The following MED16 variants were observed in gnomAD, a reference collection of about 807,000 sequenced individuals.
MED16 encodes the protein mediator complex subunit 16.
MED16 carries 81 observed loss-of-function variants against 84.4 expected under a neutral mutation model. That is an observed-to-expected ratio of 0.96 (90% CI 0.80 to 1.15). The LOEUF (loss-of-function observed/expected upper bound fraction) is 1.15, where lower values mean the gene tolerates loss of function less well. MED16 is among the 50% of genes most tolerant of loss of function. The pLI is 0.00. For missense variants in MED16, 1,585 were observed against 1,245.9 expected, an observed-to-expected ratio of 1.27 and a Z score of -4.10; for synonymous variants, 897 against 552.2, an observed-to-expected ratio of 1.62 and a Z score of -8.76.
chr19:872,435 C>T (rs1039817092), intron 11 of MED16, among the ~76,000 whole-genome samples: 1 of 152,128 alleles, frequency 6.6e-6, no homozygotes, highest in African/African-American at 2.4e-5. Flanking sequence ...CCTACAGCTG[C>T]GGGCCCGGGC....
intron 8 of MED16, among the ~76,000 whole-genome samples, chr19:878,302 AGCCCCAGCCCCACGT>A (rs2036314147): frequency 1.1e-5 from 1 of 93,036 alleles, no homozygotes; most frequent in Non-Finnish European, 2.0e-5. Context: ...AATGCCCACC[AGCCCCAGCCCCACGT>A]GCCCCAGCAG....
At chr19:886,744 G>A (rs1049603820) in intron 4 of MED16, among the ~76,000 whole-genome samples, 7 of 152,222 alleles carry the variant, frequency 4.6e-5, no homozygotes, top group Admixed American at 3.3e-4. Flanking sequence ...ATTGACATAC[G>A]GAAACATCCA....
chr19:881,074 G>T (rs1599334862), intron 7 of MED16, among the ~76,000 whole-genome samples: 1 of 152,130 alleles, frequency 6.6e-6, no homozygotes, highest in East Asian at 1.9e-4. Flanking sequence ...CTCTTTCCAG[G>T]GAACCAGGGA....
rs539826611 is a variant in MED16, at chr19:868,647, C to T, written c.2400-148G>A. ...CCCCACCTGCCACAGGGCCTCTGCC[C>T]ATGCTTCTCCTCCCCCCAGCAATGC... On this transcript the variant is annotated intron_variant, in intron 14 of 15. Coordinates refer to ENST00000325464, the MANE Select transcript of MED16 (RefSeq NM_005481.3). The T allele has an allele frequency of 2.4e-5, 29 of 1,194,764 alleles. No homozygotes were observed. In the East Asian group the frequency reaches 3.1e-4, roughly 13 times the overall value. 74.0% of individuals were successfully genotyped at this position (1,194,764 alleles called of 1,614,324 possible). A position where few individuals can be genotyped will look rare whatever the true frequency, so the allele number is the denominator to read the frequency against.
intron 1 of MED16, 175 bp downstream of exon 1, chr19:892,894 GCGCCCCGCGCCCCGCGC>G (rs2036669339): frequency 5.4e-5 from 1 of 18,572 alleles, no homozygotes; most frequent in African/African-American, 2.0e-4. Context: ...CCCGCGCCCC[GCGCCCCGCGCCCCGCGC>G]CCCGCGCCCC....
chr19:871,000 G>A (rs1289918044), intron 13 of MED16, 37 bp downstream of exon 13: 4 of 1,513,890 alleles, frequency 2.6e-6, no homozygotes, highest in Non-Finnish European at 2.7e-6. Flanking sequence ...GGAGGAAGGA[G>A]TCCTGTGTTT....
intron 11 of MED16, among the ~76,000 whole-genome samples, chr19:872,392 C>A (rs1337732871): frequency 1.3e-5 from 2 of 152,030 alleles, no homozygotes; most frequent in Non-Finnish European, 2.9e-5. Flanking sequence ...AGGCCAATAT[C>A]CCCACCTGCA....
intron 1 of MED16, 126 bp from the exon 2 acceptor site, chr19:891,275 G>C (rs1175425306): frequency 1.1e-6 from 1 of 936,148 alleles, no homozygotes; most frequent in East Asian, 2.6e-5. Flanking sequence ...CAAAGGCCCG[G>C]AGGCCAGACA....
At chr19:872,800 A>T in intron 11 of MED16, 1 of 227,000 alleles carries the variant, frequency 4.4e-6, no homozygotes, top group Non-Finnish European at 7.7e-6. Context: ...CAGCAGCAGC[A>T]GAAGCAAGGC....
chr19:882,066 CG>C (rs1433303433), intron 6 of MED16, among the ~76,000 whole-genome samples: 1 of 152,232 alleles, frequency 6.6e-6, no homozygotes, highest in Non-Finnish European at 1.5e-5. Context: ...CCAGCTCAGC[CG>C]GGATTCCCAT....
At position 873,386 on chromosome 19, in the gene MED16, C is replaced by T. The variant is rs576294727; in HGVS notation, c.1905+63G>A. On this transcript the variant is annotated intron_variant, in intron 11 of 15. Coordinates refer to ENST00000325464, the MANE Select transcript of MED16 (RefSeq NM_005481.3). ...GTTTTGAGGGGCAGGGGCAGGGAAG[C>T]GGGGTCCTGATGAGATGGGGGCCCA... 107 of 1,348,592 alleles carry T rather than the reference C, an allele frequency of 7.9e-5. No homozygotes were observed. In the East Asian group the frequency reaches 1.9e-3, roughly 24 times the overall value. The allele number at this position is 1,348,592 out of a possible 1,614,324, so 83.5% of individuals were successfully genotyped here.
At chr19:885,641 G>C in intron 5 of MED16, 129 bp downstream of exon 5, 4 of 1,120,656 alleles carry the variant, frequency 3.6e-6, no homozygotes, top group Non-Finnish European at 5.0e-6. Flanking sequence ...GAGCCCCCGG[G>C]AGGGACCGGC....
chr19:879,912 G>C (rs377477267), intron 8 of MED16, 25 bp downstream of exon 8: 1 of 1,216,892 alleles, frequency 8.2e-7, no homozygotes, highest in South Asian at 1.8e-5. Flanking sequence ...CACCAGCCCC[G>C]GCCCCACGTG....
chr19:880,163 C>G lies in MED16; in HGVS notation c.1142-15G>C. 6.2e-7 allele frequency: 1 copy of G among 1,601,854 alleles called. No homozygotes were observed. Among genetic ancestry groups the G allele is most frequent in the Non-Finnish European group, 8.5e-7 (1 of 1,176,842 alleles). On this transcript the variant is annotated splice_polypyrimidine_tract_variant and intron_variant, in intron 7 of 15. Coordinates refer to ENST00000325464, the MANE Select transcript of MED16 (RefSeq NM_005481.3). The stretch of plus-strand genomic sequence containing the variant: ...CAGGGCCAGCCCTGTGGGGCACAGG[C>G]ACTGCTTAGACATGGGCAGGGCCCA...
At chr19:869,566 C>T (rs1236452818) in intron 13 of MED16, among the ~76,000 whole-genome samples, 4 of 152,184 alleles carry the variant, frequency 2.6e-5, no homozygotes, top group African/African-American at 2.4e-5. Context: ...GTGTGTGACT[C>T]ATTAGGAGGC....
chr19:871,754 AGGGAGAG>A (rs2036065301), intron 12 of MED16, 165 bp downstream of exon 12: 6 of 331,958 alleles, frequency 1.8e-5, no homozygotes, highest in African/African-American at 6.5e-5. Flanking sequence ...GTGTTTTGGT[AGGGAGAG>A]GGGAGCGGGG....
chr19:881,608 G>C lies in MED16; in HGVS notation c.1092C>G (p.Thr364=), dbSNP rs1227361804. ...VALPKLPISL[T]NTDLKVASDT... ...CGCTGGCCACCTTGAGGTCGGTGTT[G>C]GTGAGCGAGATGGGCAGCTTGGGCA... The change falls in exon 7 of 16, where the codon ACC becomes ACG. Residue 364 remains threonine, a synonymous_variant. Coordinates refer to ENST00000325464, the MANE Select transcript of MED16 (RefSeq NM_005481.3). 1 of 1,612,596 alleles carries C rather than the reference G, an allele frequency of 6.2e-7. No homozygotes were observed. Among genetic ancestry groups the C allele is most frequent in the African/African-American group, 1.3e-5 (1 of 74,928 alleles).
chr19:876,957 C>T lies in MED16; in HGVS notation c.1560+17G>A, dbSNP rs757433510. On this transcript the variant is annotated intron_variant, in intron 9 of 15. Transcript: ENST00000325464. The stretch of plus-strand genomic sequence containing the variant: ...GCCCCCACCTGCCACGGGGCCCCAC[C>T]TGCCACGGGCCCCCACCTGCTGCAG... The T allele has an allele frequency of 1.9e-6, 3 of 1,603,808 alleles. No individual in the cohort carries two copies. The highest frequency in any genetic ancestry group is 2.6e-6 in the Non-Finnish European group (3 of 1,175,558).
intron 6 of MED16, 73 bp downstream of exon 6, chr19:884,830 A>G: frequency 8.2e-7 from 1 of 1,213,488 alleles, no homozygotes; most frequent in Non-Finnish European, 1.2e-6. Flanking sequence ...ACACAGCAAG[A>G]CCTGCCTCCA....
Sources: allele counts gnomAD v4.1 joint callset (sites outside exome capture counted in the v4.1 genomes callset), GRCh38; gene constraint gnomAD v4.1.1; transcripts MANE v1.5; gene names NCBI Gene and HGNC (gene_info 2026-07-23, HGNC 2026-07-21).